TMEM45A: variants seen among roughly 807,000 people sequenced by gnomAD.
TMEM45A encodes the protein transmembrane protein 45A.
In TMEM45A, 25 loss-of-function variants were observed where a neutral mutation model predicts 32.0. The observed-to-expected ratio is 0.78, with a 90% CI of 0.57 to 1.09. TMEM45A has a LOEUF of 1.09. TMEM45A is among the 50% of genes least tolerant of loss of function. The probability of loss-of-function intolerance (pLI) is 0.00; values close to 1 mark genes in which losing one functional copy is unlikely to be tolerated. For missense variants in TMEM45A, 302 were observed against 325.0 expected, an observed-to-expected ratio of 0.93 and a Z score of 0.54; for synonymous variants, 122 against 114.8, an observed-to-expected ratio of 1.06 and a Z score of -0.40.
rs755527902 is a variant in TMEM45A, at chr3:100,555,366, T to C, written c.155T>C (p.Leu52Ser). ...SKTLFYRLEI[L>S]EGITIVGMAL... The stretch of plus-strand genomic sequence containing the variant: ...ACATTATTCTATCGATTGGAAATTT[T>C]GGAGGGAATTACAATAGTTGGCATG... The change falls in exon 2 of 6, where the codon TTG becomes TCG. Residue 52 changes from leucine (L) to serine (S), a missense_variant. By Grantham distance (145) the Leu-to-Ser change is moderately radical. Transcript: ENST00000323523. 6.2e-7 allele frequency: 1 copy of C among 1,614,004 alleles called. No homozygotes were observed. The highest frequency in any genetic ancestry group is 8.5e-7 in the Non-Finnish European group (1 of 1,179,940).
intron 3 of TMEM45A, among the ~76,000 whole-genome samples, chr3:100,558,067 G>T (rs1040011178): frequency 6.6e-6 from 1 of 152,094 alleles, no homozygotes; most frequent in South Asian, 2.1e-4. Context: ...TTCCAACTTC[G>T]TCTTAATCCT....
intron 4 of TMEM45A, among the ~76,000 whole-genome samples, chr3:100,562,533 CAAA>C (rs1706356998): frequency 6.6e-6 from 1 of 152,126 alleles, no homozygotes; most frequent in South Asian, 2.1e-4. Flanking sequence ...ATGTAAACAG[CAAA>C]AAGTTTGGTA....
chr3:100,493,474 T>A (rs1186228619), intron 1 of TMEM45A, among the ~76,000 whole-genome samples: 1 of 152,076 alleles, frequency 6.6e-6, no homozygotes, highest in South Asian at 2.1e-4. Context: ...CAAATATATA[T>A]CTTTTCGGTA....
intron 1 of TMEM45A, among the ~76,000 whole-genome samples, chr3:100,527,178 T>G (rs1338604966): frequency 1.3e-5 from 2 of 152,118 alleles, no homozygotes; most frequent in Non-Finnish European, 2.9e-5. Flanking sequence ...GGTCCAGAGT[T>G]AGTGCACAAT....
rs538899049 is a variant in TMEM45A, at chr3:100,533,338, C to T, written c.-3-21871C>T. 4.6e-5 allele frequency among the ~76,000 whole-genome samples: 7 copies of T among 152,194 alleles called. No homozygotes were observed. In the South Asian group the frequency reaches 1.5e-3, roughly 32 times the overall value. ...TACCGTGCATATTTTTTATGGTTCTCCCAGATGTTTTGTATAGGCATCCAG... is the reference window on the plus strand; with the variant it reads ...TACCGTGCATATTTTTTATGGTTCTTCCAGATGTTTTGTATAGGCATCCAG... On this transcript the variant is annotated intron_variant, in intron 1 of 5. Coordinates refer to ENST00000323523, the MANE Select transcript of TMEM45A (RefSeq NM_018004.3).
At chr3:100,566,095 A>G (rs1404470093) in intron 4 of TMEM45A, among the ~76,000 whole-genome samples, 1 of 152,180 alleles carries the variant, frequency 6.6e-6, no homozygotes, top group East Asian at 1.9e-4. Context: ...ATGTTGTTGC[A>G]TGTACTTCAT....
chr3:100,529,577 T>C (rs971513610), intron 1 of TMEM45A, among the ~76,000 whole-genome samples: 1 of 152,142 alleles, frequency 6.6e-6, no homozygotes, highest in African/African-American at 2.4e-5. Flanking sequence ...ACTGCTCCCT[T>C]GTGAGTCTTG....
intron 4 of TMEM45A, among the ~76,000 whole-genome samples, chr3:100,560,862 G>A (rs554840496): frequency 1.2e-3 from 190 of 152,304 alleles, no homozygotes; most frequent in Middle Eastern, 0.01. Flanking sequence ...GGAAGCTGTG[G>A]GTTATACCTC....
At chr3:100,554,627 T>C (rs1316177120) in intron 1 of TMEM45A, among the ~76,000 whole-genome samples, 1 of 152,130 alleles carries the variant, frequency 6.6e-6, no homozygotes, top group Non-Finnish European at 1.5e-5. Context: ...TAATTGTTTC[T>C]TCCATACACT....
At chr3:100,513,155 T>G (rs754764765) in intron 1 of TMEM45A, among the ~76,000 whole-genome samples, 62,639 of 138,724 alleles carry the variant, frequency 0.45, 16,096 homozygotes, top group African/African-American at 0.73. Flanking sequence ...TACCAAAGCC[T>G]GGCAGAGACA....
At chr3:100,527,480 T>C (rs1036185383) in intron 1 of TMEM45A, among the ~76,000 whole-genome samples, 4 of 152,190 alleles carry the variant, frequency 2.6e-5, no homozygotes, top group Admixed American at 2.6e-4. Context: ...AATCTAATGA[T>C]TCAGTGACTG....
intron 1 of TMEM45A, among the ~76,000 whole-genome samples, chr3:100,539,273 T>TAG (rs1705803068): frequency 2.0e-5 from 3 of 152,028 alleles, no homozygotes; most frequent in Admixed American, 2.0e-4. Flanking sequence ...TAGAAGAGAA[T>TAG]AGATAGCCCA....
intron 1 of TMEM45A, among the ~76,000 whole-genome samples, chr3:100,515,640 A>G (rs1466501823): frequency 6.6e-6 from 1 of 151,694 alleles, no homozygotes; most frequent in African/African-American, 2.4e-5. Flanking sequence ...ATAAAAAAAA[A>G]AAAAGAAAAG....
intron 4 of TMEM45A, 77 bp from the exon 5 acceptor site, chr3:100,568,745 A>G: frequency 7.3e-7 from 1 of 1,362,746 alleles, no homozygotes; most frequent in Non-Finnish European, 1.0e-6. Flanking sequence ...TTACCTCGGA[A>G]GCAAGTATTT....
At position 100,568,929 on chromosome 3, in the gene TMEM45A, C is replaced by T. The variant is rs1215668927; in HGVS notation, c.696C>T (p.Thr232=). The change falls in exon 5 of 6, where the codon ACC becomes ACT. Residue 232 remains threonine, a synonymous_variant. Transcript: ENST00000323523. The part of the protein sequence containing the change: ...TICFCWHYAV[T]IVIVGMNYAF... ...GCTTTTGTTGGCATTATGCAGTAAC[C>T]ATTGTCATCGTTGGAATGAATTATG... 1.9e-6 allele frequency: 3 copies of T among 1,613,208 alleles called. No homozygotes were observed. The highest frequency in any genetic ancestry group is 2.7e-5 in the African/African-American group (2 of 74,872).
chr3:100,548,798 CA>C (rs1706031588), intron 1 of TMEM45A, among the ~76,000 whole-genome samples: 1 of 152,218 alleles, frequency 6.6e-6, no homozygotes, highest in Admixed American at 6.5e-5. Context: ...CTGTACAATG[CA>C]AGTGATGATT....
chr3:100,548,444 C>T (rs2148973890), intron 1 of TMEM45A, among the ~76,000 whole-genome samples: 1 of 152,324 alleles, frequency 6.6e-6, no homozygotes, highest in Admixed American at 6.5e-5. Flanking sequence ...ACGAGAAGCT[C>T]TCTTGCAGAC....
At chr3:100,514,072 A>G (rs1241801364) in intron 1 of TMEM45A, among the ~76,000 whole-genome samples, 3 of 152,340 alleles carry the variant, frequency 2.0e-5, no homozygotes, top group South Asian at 4.1e-4. Context: ...TATAGATTCA[A>G]TGCCATCCCT....
At position 100,509,703 on chromosome 3, in the gene TMEM45A, G is replaced by A. The variant is rs1278077732; in HGVS notation, c.-4+16775G>A. ...GGTGATTTCTGCATTTCCATCTGAG[G>A]TACCGGGTTCATCTCACTAGGGAGT... On this transcript the variant is annotated intron_variant, in intron 1 of 5. Transcript: ENST00000323523. Among the ~76,000 whole-genome samples, 5 of 152,178 alleles carry A rather than the reference G, an allele frequency of 3.3e-5. No individual in the cohort carries two copies. In the East Asian group the frequency reaches 7.7e-4, roughly 23 times the overall value.
Sources: gnomAD v4.1 joint callset for allele counts (sites outside exome capture counted in the v4.1 genomes callset) on GRCh38, gnomAD v4.1.1 for gene constraint, MANE v1.5 for transcripts, NCBI Gene and HGNC (gene_info 2026-07-23, HGNC 2026-07-21) for gene names.